CRB1: variants seen among roughly 807,000 people sequenced by gnomAD.
CRB1 encodes the protein crumbs cell polarity complex component 1.
CRB1 carries 83 observed loss-of-function variants against 120.0 expected under a neutral mutation model. That is an observed-to-expected ratio of 0.69 (90% CI 0.58 to 0.83). The LOEUF is 0.83. CRB1 is among the 40% of genes least tolerant of loss of function. CRB1 has a pLI of 0.00. For missense variants in CRB1, 1,699 were observed against 1,687.6 expected (o/e 1.01, Z -0.12); for synonymous variants, 625 against 612.5 (o/e 1.02, Z -0.30).
the CRB1 span, among the ~76,000 whole-genome samples, chr1:197,228,653 A>T: frequency 7.2e-5 from 11 of 152,074 alleles, no homozygotes; most frequent in African/African-American, 2.7e-4. Flanking sequence ...AACTGTTCCA[A>T]CCTCTGCCTG....
chr1:197,363,963 C>G (rs914128518), intron 5 of CRB1: 1 of 1,341,632 alleles, frequency 7.5e-7, no homozygotes, highest in African/African-American at 1.4e-5. Context: ...AGAAGCCATG[C>G]GGCCGGCGAC....
At chr1:197,472,709 C>A (rs1667033178) in intron 11 of CRB1, among the ~76,000 whole-genome samples, 1 of 152,096 alleles carries the variant, frequency 6.6e-6, no homozygotes, top group African/African-American at 2.4e-5. Context: ...CAATTAGTAA[C>A]AGTTGATTCT....
In CRB1 at chr1:197,344,301, A is replaced by G; in HGVS notation, c.673A>G (p.Ile225Val). Residue 225 changes from isoleucine to valine, a missense_variant, in exon 3 of 12, where the codon ATT becomes GTT. Ile to Val is a conservative substitution (Grantham distance 29). Transcript: ENST00000367400. ...NYSGVNCELE[I>V]DECWSQPCLN... Reference sequence around the variant, plus strand: ...AAAAGGTGTAAACTGTGAATTGGAAATTGACGAATGTTGGTCCCAGCCTTG... The same window carrying G: ...AAAAGGTGTAAACTGTGAATTGGAAGTTGACGAATGTTGGTCCCAGCCTTG... The G allele has an allele frequency of 6.2e-7, 1 of 1,614,162 alleles. No homozygotes were observed. The highest frequency in any genetic ancestry group is 1.1e-5 in the South Asian group (1 of 91,078).
intron 5 of CRB1, among the ~76,000 whole-genome samples, chr1:197,412,448 G>C (rs566054001): frequency 2.8e-4 from 43 of 152,264 alleles, no homozygotes; most frequent in African/African-American, 9.4e-4. Flanking sequence ...TCATAGCCTA[G>C]TATCAAAGCT....
chr1:197,276,066 G>A (rs922825584), intron 1 of CRB1, among the ~76,000 whole-genome samples: 3 of 151,586 alleles, frequency 2.0e-5, no homozygotes, highest in African/African-American at 7.3e-5. Context: ...TCAAAGTTTC[G>A]TTGCAACATG....
At chr1:197,329,475 C>T (rs775641186) in intron 2 of CRB1, among the ~76,000 whole-genome samples, 1 of 152,154 alleles carries the variant, frequency 6.6e-6, no homozygotes, top group Non-Finnish European at 1.5e-5. Flanking sequence ...ATCAGATAAA[C>T]CACGATTTTT....
At chr1:197,274,480 G>C (rs757695966) in intron 1 of CRB1, among the ~76,000 whole-genome samples, 24 of 152,044 alleles carry the variant, frequency 1.6e-4, no homozygotes, top group Non-Finnish European at 3.1e-4. Context: ...TTATAAATTT[G>C]CATGCAATTG....
At chr1:197,284,537 T>C (rs963120615) in intron 1 of CRB1, among the ~76,000 whole-genome samples, 12 of 151,898 alleles carry the variant, frequency 7.9e-5, no homozygotes, top group African/African-American at 2.9e-4. Flanking sequence ...TGACAATGAG[T>C]TACACATGCT....
At chr1:197,353,527 G>A (rs567859415) in intron 4 of CRB1, among the ~76,000 whole-genome samples, 2 of 152,284 alleles carry the variant, frequency 1.3e-5, no homozygotes, top group South Asian at 4.1e-4. Flanking sequence ...TTAAAAATAT[G>A]AGGTGGCTCA....
intron 11 of CRB1, among the ~76,000 whole-genome samples, chr1:197,476,582 A>C (rs368011319): frequency 6.6e-6 from 1 of 152,190 alleles, no homozygotes; most frequent in Non-Finnish European, 1.5e-5. Context: ...GATCCCAGAC[A>C]ATACTATGAA....
chr1:197,256,336 G>A, the CRB1 span, among the ~76,000 whole-genome samples: 2 of 151,708 alleles, frequency 1.3e-5, no homozygotes, highest in Non-Finnish European at 2.9e-5. Context: ...AGTAGTCCTT[G>A]TTGCTTCCTT....
intron 1 of CRB1, among the ~76,000 whole-genome samples, chr1:197,292,878 A>G (rs550295158): frequency 1.6e-4 from 25 of 152,200 alleles, no homozygotes; most frequent in Non-Finnish European, 1.0e-4. Context: ...TGCTAAAAAA[A>G]CTCTCAATAA....
chr1:197,421,418 T>C lies in CRB1; in HGVS notation c.1590T>C (p.Asp530=), dbSNP rs1386404996. Residue 530 remains aspartate, a synonymous_variant, in exon 6 of 12, where the codon GAT becomes GAC. Coordinates refer to ENST00000367400, the MANE Select transcript of CRB1 (RefSeq NM_201253.3). ...TTCTACTTTTCCGAAGCAACAGGGATGTGTTTGTGAAGCTGGAGCTGCTAA... is the reference window on the plus strand; with the variant it reads ...TTCTACTTTTCCGAAGCAACAGGGACGTGTTTGTGAAGCTGGAGCTGCTAA... ...MALLLFRSNR[D]VFVKLELLSG... The C allele has an allele frequency of 6.2e-7, 1 of 1,614,092 alleles. No individual in the cohort carries two copies. Among genetic ancestry groups the C allele is most frequent in the Admixed American group, 1.7e-5 (1 of 60,004 alleles).
At chr1:197,205,209 C>T in the CRB1 span, among the ~76,000 whole-genome samples, 54 of 152,160 alleles carry the variant, frequency 3.5e-4, no homozygotes, top group Middle Eastern at 6.8e-3. Context: ...CAAGCAGCAA[C>T]AGTTTGACTT....
chr1:197,220,697 C>T, the CRB1 span, among the ~76,000 whole-genome samples: 2,487 of 152,218 alleles, frequency 0.016, 19 homozygotes, highest in Non-Finnish European at 0.02. Flanking sequence ...AATCTCATGT[C>T]GAATTGGAGG....
chr1:197,397,601 T>G (rs935395927), intron 5 of CRB1, among the ~76,000 whole-genome samples: 7 of 152,188 alleles, frequency 4.6e-5, no homozygotes, highest in African/African-American at 1.4e-4. Context: ...CAGTCTTACC[T>G]TCTTGCAATT....
chr1:197,315,197 T>G (rs1411621491), intron 1 of CRB1, among the ~76,000 whole-genome samples: 6 of 152,234 alleles, frequency 3.9e-5, no homozygotes, highest in Admixed American at 6.5e-5. Flanking sequence ...TCCTACCTTT[T>G]TTTTTAGTTG....
intron 5 of CRB1, among the ~76,000 whole-genome samples, chr1:197,415,497 T>A (rs1663933076): frequency 6.6e-6 from 1 of 152,220 alleles, no homozygotes; most frequent in Non-Finnish European, 1.5e-5. Flanking sequence ...AGGTAAATTG[T>A]ACATGCCAAC....
rs544138436 is a variant in CRB1, at chr1:197,414,818, T to C, written c.1172-6182T>C. Among the ~76,000 whole-genome samples the C allele has an allele frequency of 4.6e-5, 7 of 152,348 alleles. No homozygotes were observed. The South Asian group carries it at 1.0e-3, about 23-fold the overall frequency. ...GAGACATTTTTATCTTTTTTCCCAC[T>C]TTTAGTTTTCTGGGTTCATCAAATA... is the stretch of plus-strand genomic sequence containing the variant. On this transcript the variant is annotated intron_variant, in intron 5 of 11. Coordinates refer to ENST00000367400, the MANE Select transcript of CRB1 (RefSeq NM_201253.3).
Sources: allele counts gnomAD v4.1 joint callset (sites outside exome capture counted in the v4.1 genomes callset), GRCh38; gene constraint gnomAD v4.1.1; transcripts MANE v1.5; gene names NCBI Gene and HGNC (gene_info 2026-07-23, HGNC 2026-07-21).